Variants in PTDSS2 observed in about 807,000 individuals in gnomAD.
PTDSS2 encodes the protein phosphatidylserine synthase 2, also known as PSS-2.
Under a neutral mutation model 64.7 loss-of-function variants are expected in PTDSS2, and 41 were observed. The ratio of observed to expected loss-of-function variants is 0.63; its 90% CI spans 0.49 to 0.82. The LOEUF (loss-of-function observed/expected upper bound fraction) is 0.82, where lower values mean the gene tolerates loss of function less well. PTDSS2 is among the 40% of genes least tolerant of loss of function. PTDSS2 has a pLI of 0.00. For synonymous variants in PTDSS2, 297 were observed against 277.8 expected, an observed-to-expected ratio of 1.07 and a Z score of -0.69; for missense variants, 485 against 650.0, an observed-to-expected ratio of 0.75 and a Z score of 2.76.
chr11:466,083 A>G (rs1410972141), intron 2 of PTDSS2, among the ~76,000 whole-genome samples: 1 of 152,182 alleles, frequency 6.6e-6, no homozygotes, highest in Non-Finnish European at 1.5e-5. Context: ...CTCAAGAAGA[A>G]GAAAAACAGG....
In PTDSS2 at chr11:489,608, C is replaced by T; in HGVS notation, c.990C>T (p.Asn330=). ...IILVFLLAEL[N]TFYLKFVLWM... is the part of the protein sequence containing the mutation. ...CCTAGTTCCTGTTGGCAGAACTGAA[C>T]ACGTTCTACCTGAAGTTTGTGCTGT... Residue 330 remains asparagine, a synonymous_variant, in exon 10 of 12, where the codon AAC becomes AAT. Transcript: ENST00000308020. 6.3e-7 allele frequency: 1 copy of T among 1,596,884 alleles called. No individual in the cohort carries two copies. The highest frequency in any genetic ancestry group is 8.5e-7 in the Non-Finnish European group (1 of 1,171,590).
At chr11:488,826 G>A (rs1423001721) in intron 8 of PTDSS2, among the ~76,000 whole-genome samples, 179 bp downstream of exon 8, 3 of 152,154 alleles carry the variant, frequency 2.0e-5, no homozygotes, top group South Asian at 2.1e-4. Flanking sequence ...AAGCCCGGCC[G>A]CCCCTCACAG....
At chr11:465,761 C>A (rs963796080) in intron 2 of PTDSS2, among the ~76,000 whole-genome samples, 16 of 151,248 alleles carry the variant, frequency 1.1e-4, no homozygotes, top group Non-Finnish European at 1.6e-4. Context: ...CCACCCCCCC[C>A]CCATCTCTAC....
intron 4 of PTDSS2, among the ~76,000 whole-genome samples, chr11:482,519 G>A (rs1169636666): frequency 6.6e-6 from 1 of 152,070 alleles, no homozygotes; most frequent in East Asian, 1.9e-4. Flanking sequence ...TCGCCATGTT[G>A]GCCAGGCTGG....
At chr11:480,878 G>C (rs1187018657) in intron 4 of PTDSS2, among the ~76,000 whole-genome samples, 1 of 152,136 alleles carries the variant, frequency 6.6e-6, no homozygotes, top group Non-Finnish European at 1.5e-5. Flanking sequence ...GTCAGGAGAT[G>C]GAGACCATCC....
chr11:485,105 AAC>A (rs1211805199), intron 4 of PTDSS2, among the ~76,000 whole-genome samples: 2 of 80,588 alleles, frequency 2.5e-5, no homozygotes, highest in African/African-American at 1.2e-4. Flanking sequence ...GGCGAGTGTA[AAC>A]AGTGCACGGG....
intron 8 of PTDSS2, 65 bp downstream of exon 8, chr11:488,712 G>C: frequency 1.6e-6 from 2 of 1,216,816 alleles, no homozygotes; most frequent in Non-Finnish European, 2.4e-6. Flanking sequence ...CTCAGCGTCC[G>C]TGCTCCAGCA....
intron 5 of PTDSS2, 46 bp from the exon 6 acceptor site, chr11:487,374 G>C (rs1249744070): frequency 1.3e-6 from 2 of 1,565,912 alleles, no homozygotes; most frequent in East Asian, 4.5e-5. Flanking sequence ...TGGGGAGTGG[G>C]GGTGGCTGTG....
chr11:480,840 T>C (rs1383392974), intron 4 of PTDSS2, among the ~76,000 whole-genome samples: 11 of 152,164 alleles, frequency 7.2e-5, no homozygotes, highest in African/African-American at 2.4e-4. Flanking sequence ...CCCAGCACTT[T>C]GGGAGGCTGA....
chr11:459,913 A>G, intron 1 of PTDSS2: 1 of 464,416 alleles, frequency 2.2e-6, no homozygotes, highest in South Asian at 2.7e-5. Context: ...CAGTGGCAGC[A>G]TGTGCCCTCT....
chr11:473,956 C>G lies in PTDSS2; in HGVS notation c.346C>G (p.Pro116Ala). The change falls in exon 3 of 12, where the codon CCA becomes GCA. Residue 116 changes from proline to alanine, a missense_variant. By Grantham distance (27) the Pro-to-Ala change is conservative. Around this residue, in one of 3 missense-constraint regions of PTDSS2, gnomAD observed 251 missense variants for 348.0 expected, o/e 0.72. Coordinates refer to ENST00000308020, the MANE Select transcript of PTDSS2 (RefSeq NM_030783.3). The part of the protein sequence containing the change: ...CFGVTQAKDG[P>A]FSRPHPAYWR... ...TGGAGTCACACAAGCTAAAGACGGG[C>G]CATTTTCCAGACCTCATCCAGGTAA... is the stretch of plus-strand genomic sequence containing the variant. 1 of 1,613,964 alleles carries G rather than the reference C, an allele frequency of 6.2e-7. No homozygotes were observed. The highest frequency in any genetic ancestry group is 8.5e-7 in the Non-Finnish European group (1 of 1,179,790).
chr11:456,935 A>C (rs1478357418), intron 1 of PTDSS2, among the ~76,000 whole-genome samples: 1 of 152,214 alleles, frequency 6.6e-6, no homozygotes, highest in Non-Finnish European at 1.5e-5. Flanking sequence ...TGGTTGTCTT[A>C]AATGCCTAGT....
chr11:455,820 G>C (rs1288349701), intron 1 of PTDSS2, among the ~76,000 whole-genome samples: 1 of 152,216 alleles, frequency 6.6e-6, no homozygotes, highest in African/African-American at 2.4e-5. Context: ...ATAACGTGTA[G>C]GGTTTCTTAG....
Position 490,751 on chromosome 11 carries a change from G to T in PTDSS2, c.*169G>T, listed in dbSNP as rs762533738. 138 of 643,700 alleles carry T rather than the reference G, an allele frequency of 2.1e-4. No individual in the cohort carries two copies. The highest frequency in any genetic ancestry group is 1.1e-3 in the African/African-American group (57 of 54,098). 39.9% of individuals were successfully genotyped at this position (643,700 alleles called of 1,614,324 possible). On this transcript the variant is annotated 3_prime_UTR_variant, in exon 12 of 12. Coordinates refer to ENST00000308020, the MANE Select transcript of PTDSS2 (RefSeq NM_030783.3). ...GAGGGGTGGAGGAGGCCCCAGCACA[G>T]CCTCATCTCCATGTGTACACGTGTG...
At chr11:450,137 C>G (rs753457130), upstream of PTDSS2, 1 of 266,512 alleles carries the variant, frequency 3.8e-6, no homozygotes, top group South Asian at 1.7e-4. Context: ...CCATCCGCAG[C>G]TTGGTTCCTG....
rs544927183 is a variant in PTDSS2 at position 461,420 on chromosome 11, G to C, written c.284+1132G>C. Among the ~76,000 whole-genome samples the C allele has an allele frequency of 6.6e-6, 1 of 152,224 alleles. No individual in the cohort carries two copies. Among genetic ancestry groups the C allele is most frequent in the Non-Finnish European group, 1.5e-5 (1 of 67,998 alleles). The stretch of plus-strand genomic sequence containing the variant: ...CCTCATAACTGAGTCCATCTCCCTG[G>C]GGGCAGTGGGGCATTTCTGGTTAGA... On this transcript the variant is annotated intron_variant, in intron 2 of 11. Transcript: ENST00000308020. The surrounding 1 kb of genome is among the most constrained non-coding windows in gnomAD (Gnocchi z 4.2).
upstream of PTDSS2, among the ~76,000 whole-genome samples, chr11:449,407 C>T (rs1367105911): frequency 6.6e-6 from 1 of 152,240 alleles, no homozygotes; most frequent in African/African-American, 2.4e-5. Flanking sequence ...TGTGCTGTAG[C>T]ATGCGCATGC....
chr11:453,526 T>C (rs1846444980), intron 1 of PTDSS2, among the ~76,000 whole-genome samples: 1 of 152,236 alleles, frequency 6.6e-6, no homozygotes, highest in African/African-American at 2.4e-5. Flanking sequence ...GAGGACTTTA[T>C]GTGTGAGGTG....
At chr11:490,162 C>T in intron 11 of PTDSS2, 94 bp downstream of exon 11, 1 of 1,368,162 alleles carries the variant, frequency 7.3e-7, no homozygotes, top group Non-Finnish European at 1.0e-6. Context: ...GTTGGTGTCT[C>T]ACTGTCCCTG....
Sources: gnomAD v4.1 joint callset for allele counts (sites outside exome capture counted in the v4.1 genomes callset) on GRCh38, gnomAD v4.1.1 for gene constraint, gnomAD v4.1.1 regional missense constraint, Gnocchi (gnomAD v3.1) non-coding constraint, MANE v1.5 for transcripts, NCBI Gene and HGNC (gene_info 2026-07-23, HGNC 2026-07-21) for gene names.